The following EML6 variants were observed in gnomAD, a reference collection of about 807,000 sequenced individuals.
EML6 encodes EMAP like 6.
Under a neutral mutation model 240.1 loss-of-function variants are expected in EML6, and 154 were observed. The ratio of observed to expected loss-of-function variants is 0.64; its 90% confidence interval spans 0.56 to 0.73. The LOEUF is 0.73. Among genes scored for constraint, EML6 ranks in the 30% least tolerant of loss-of-function variants. EML6 has a pLI of 0.00. For synonymous variants in EML6, 1,148 were observed against 899.0 expected, an observed-to-expected ratio of 1.28 and a Z score of -4.95; for missense variants, 2,964 against 2,474.6, an observed-to-expected ratio of 1.20 and a Z score of -4.20.
intron 17 of EML6, among the ~76,000 whole-genome samples, chr2:54,886,340 T>A (rs1394823482): frequency 6.6e-6 from 1 of 151,950 alleles, no homozygotes; most frequent in Non-Finnish European, 1.5e-5. Flanking sequence ...TAATTTTTTG[T>A]ATTTTTAGTA....
At chr2:54,741,985 G>A (rs1022238118) in intron 2 of EML6, among the ~76,000 whole-genome samples, 1 of 152,074 alleles carries the variant, frequency 6.6e-6, no homozygotes, top group African/African-American at 2.4e-5. Flanking sequence ...TATTTACAAA[G>A]GACAAACAAT....
At chr2:54,844,396 T>C (rs1383222041) in intron 8 of EML6, 148 bp downstream of exon 8, 26 of 644,026 alleles carry the variant, frequency 4.0e-5, no homozygotes, top group Non-Finnish European at 6.7e-5. Context: ...AAGTGGGTTT[T>C]TGGCATTTTG....
chr2:54,734,888 G>A (rs1172299631), intron 2 of EML6, among the ~76,000 whole-genome samples: 1 of 152,188 alleles, frequency 6.6e-6, no homozygotes, highest in African/African-American at 2.4e-5. Flanking sequence ...TTGCCTGCAT[G>A]ATGAGAGTCA....
intron 7 of EML6, among the ~76,000 whole-genome samples, chr2:54,830,514 G>A (rs1175593953): frequency 2.0e-5 from 3 of 152,188 alleles, no homozygotes; most frequent in African/African-American, 7.2e-5. Flanking sequence ...CCTGAAACGA[G>A]TTGTTTCTCC....
intron 13 of EML6, among the ~76,000 whole-genome samples, chr2:54,864,922 A>G (rs1302733029): frequency 6.6e-6 from 1 of 152,252 alleles, no homozygotes; most frequent in African/African-American, 2.4e-5. Flanking sequence ...GGTCAGCCCC[A>G]TGACGAAATC....
At chr2:54,863,733 C>T (rs552572577) in intron 12 of EML6, 50 bp from the exon 13 acceptor site, 1 of 900,970 alleles carries the variant, frequency 1.1e-6, no homozygotes, top group Non-Finnish European at 1.8e-6. Context: ...ATTTCAGTTG[C>T]TCAGAGTCTC....
chr2:54,838,721 G>A (rs1325773326), intron 7 of EML6, among the ~76,000 whole-genome samples: 1 of 152,156 alleles, frequency 6.6e-6, no homozygotes, highest in Admixed American at 6.6e-5. Flanking sequence ...TTAGATGGGT[G>A]ATTTGCTCTC....
intron 15 of EML6, 39 bp downstream of exon 15, chr2:54,869,406 G>T (rs1449502882): frequency 2.1e-6 from 3 of 1,426,388 alleles, no homozygotes; most frequent in Non-Finnish European, 2.8e-6. Flanking sequence ...GCCAAAAAGA[G>T]AATTTAATTT....
At chr2:54,895,522 G>C in intron 21 of EML6, 122 bp downstream of exon 21, 1 of 897,344 alleles carries the variant, frequency 1.1e-6, no homozygotes. Context: ...CACAAGAGTT[G>C]AACTAGTTAC....
chr2:54,911,176 C>A, intron 25 of EML6, 134 bp downstream of exon 25: 2 of 520,830 alleles, frequency 3.8e-6, no homozygotes, highest in Non-Finnish European at 7.1e-6. Context: ...TGTCTTCAAT[C>A]TGATTGCTTA....
intron 17 of EML6, among the ~76,000 whole-genome samples, chr2:54,885,892 T>A (rs996057228): frequency 6.6e-6 from 1 of 152,164 alleles, no homozygotes; most frequent in African/African-American, 2.4e-5. Context: ...ATTACAGGCG[T>A]GAGCCACCAC....
chr2:54,848,806 T>C (rs549974958), intron 9 of EML6, among the ~76,000 whole-genome samples: 48 of 152,262 alleles, frequency 3.2e-4, no homozygotes, highest in African/African-American at 1.1e-3. Flanking sequence ...AAGAATCTGG[T>C]CAGAAACAAA....
intron 3 of EML6, among the ~76,000 whole-genome samples, chr2:54,813,851 T>G (rs1473494676): frequency 2.0e-5 from 3 of 152,236 alleles, no homozygotes; most frequent in African/African-American, 7.2e-5. Flanking sequence ...GATGTCACTT[T>G]TAGCTGCTTC....
At position 54,892,527 on chromosome 2, in the gene EML6, C is replaced by T. The variant is rs371237861; in HGVS notation, c.2613C>T (p.Tyr871=). The change falls in exon 19 of 42, where the codon TAC becomes TAT. Residue 871 remains tyrosine, a synonymous_variant. Coordinates refer to ENST00000356458, the MANE Select transcript of EML6 (RefSeq NM_001039753.4). ...GKLETMMCVS[Y]GRMEDLVFSG... ...TGGAAACAATGATGTGTGTTTCTTACGGACGAATGGAAGATCTAGTGTTCT... is the reference window on the plus strand; with the variant it reads ...TGGAAACAATGATGTGTGTTTCTTATGGACGAATGGAAGATCTAGTGTTCT... 49 of 1,551,054 alleles carry T rather than the reference C, an allele frequency of 3.2e-5. 2 individuals are homozygous for T. The Admixed American group carries it at 3.7e-4, about 12-fold the overall frequency.
At chr2:54,848,524 T>TAC (rs59587579) in intron 9 of EML6, among the ~76,000 whole-genome samples, 71 of 145,848 alleles carry the variant, frequency 4.9e-4, no homozygotes, top group East Asian at 8.1e-4. Context: ...GCTTCCACAC[T>TAC]ACACACACAC....
chr2:54,811,214 A>T (rs1346883544), intron 2 of EML6, among the ~76,000 whole-genome samples: 1 of 152,222 alleles, frequency 6.6e-6, no homozygotes, highest in African/African-American at 2.4e-5. Flanking sequence ...TGCTAGGATT[A>T]CCTTCCTAAA....
chr2:54,883,641 C>T (rs1249874618), intron 17 of EML6, among the ~76,000 whole-genome samples: 8 of 152,276 alleles, frequency 5.3e-5, no homozygotes, highest in Admixed American at 2.0e-4. Flanking sequence ...GTTAGGACAG[C>T]AGCACAGTGT....
chr2:54,749,801 T>A (rs2103696530), intron 2 of EML6, among the ~76,000 whole-genome samples: 1 of 152,286 alleles, frequency 6.6e-6, no homozygotes, highest in East Asian at 1.9e-4. Flanking sequence ...AGCTGCCTAA[T>A]TTACGTAATT....
rs541222233 is a variant in EML6, at chr2:54,929,360, G to A, written c.4004+609G>A. Among the ~76,000 whole-genome samples the A allele has an allele frequency of 2.4e-3, 372 of 152,260 alleles. 1 individual carries two copies. The highest frequency in any genetic ancestry group is 8.6e-3 in the African/African-American group (357 of 41,536). On this transcript the variant is annotated intron_variant, in intron 28 of 41. Coordinates refer to ENST00000356458, the MANE Select transcript of EML6 (RefSeq NM_001039753.4). ...GGGGCTTTTCAATGTGCTGTTATAA[G>A]TATTGACAAGAATTGTCAAACACTT...
Sources: gnomAD v4.1 joint callset for allele counts (sites outside exome capture counted in the v4.1 genomes callset) on GRCh38, gnomAD v4.1.1 for gene constraint, MANE v1.5 for transcripts, NCBI Gene and HGNC (gene_info 2026-07-23, HGNC 2026-07-21) for gene names.